The following RPGR variants were observed in gnomAD, a reference collection of about 807,000 sequenced individuals.
The protein encoded by RPGR is retinitis pigmentosa GTPase regulator, also known as X-linked retinitis pigmentosa GTPase regulator.
In RPGR, 10 loss-of-function variants were observed where a neutral mutation model predicts 56.3. That is an observed-to-expected ratio of 0.18 (90% CI 0.11 to 0.30). RPGR has a LOEUF of 0.30. RPGR is among the 10% of genes least tolerant of loss of function. The probability of loss-of-function intolerance (pLI) is 1.00; values close to 1 mark genes in which losing one functional copy is unlikely to be tolerated. For synonymous variants in RPGR, 197 were observed against 212.9 expected (o/e 0.93, Z 0.65); for missense variants, 538 against 590.9 (o/e 0.91, Z 0.93).
rs1295083334 is a variant in RPGR, at chrX:38,269,197, AAT to A, written c.*427_*428del. The A allele has an allele frequency of 8.5e-6, 1 of 118,314 alleles. No individual in the cohort carries two copies. The highest frequency in any genetic ancestry group is 1.7e-5 in the Non-Finnish European group (1 of 57,256). The allele number at this position is 118,314 out of a possible 1,213,427, so 9.8% of individuals were successfully genotyped here. ...GAACTGACCAGATATAGTTTATTAA[AAT>A]ATGTTCATTATAAACAATTTTACCT... On this transcript the variant is annotated 3_prime_UTR_variant, in exon 19 of 19. Transcript: ENST00000642395.
intron 9 of RPGR, among the ~76,000 whole-genome samples, chrX:38,299,756 G>T: frequency 9.2e-6 from 1 of 109,124 alleles, no homozygotes; most frequent in Non-Finnish European, 1.9e-5. Flanking sequence ...AAAACCCATA[G>T]TGCAGTATTT....
intron 3 of RPGR, 80 bp downstream of exon 3, chrX:38,322,773 T>A (rs2067971502): frequency 1.3e-6 from 1 of 746,085 alleles, no homozygotes; most frequent in Admixed American, 2.4e-5. Context: ...AAAAGCTTTA[T>A]TATTTATGAC....
At position 38,316,130 on chromosome X, in the gene RPGR, CA is replaced by C. The variant is rs767434860; in HGVS notation, c.619+1185del. Reference sequence around the variant, plus strand: ...GCTAGTGTGAAAATTACTGACAGTTCATATCAGCTGATGTAAATGAATCTCA... The same window carrying C: ...GCTAGTGTGAAAATTACTGACAGTTCTATCAGCTGATGTAAATGAATCTCA... On this transcript the variant is annotated intron_variant, in intron 6 of 18. Transcript: ENST00000642395. Among the ~76,000 whole-genome samples the C allele has an allele frequency of 1.9e-3, 211 of 110,800 alleles. 1 individual carries two copies. Among genetic ancestry groups the C allele is most frequent in the African/African-American group, 6.4e-3 (195 of 30,573 alleles).
intron 7 of RPGR, 59 bp from the exon 8 acceptor site, chrX:38,304,849 A>G: frequency 1.8e-6 from 2 of 1,099,605 alleles, no homozygotes; most frequent in South Asian, 1.9e-5. Context: ...TGTTACCATC[A>G]TATCTGGAAA....
chrX:38,291,041 A>T lies in RPGR; in HGVS notation c.1507-17T>A. The T allele has an allele frequency of 1.4e-6, 1 of 739,133 alleles. No individual in the cohort carries two copies. The highest frequency in any genetic ancestry group is 1.9e-6 in the Non-Finnish European group (1 of 536,574). 60.9% of individuals were successfully genotyped at this position (739,133 alleles called of 1,213,427 possible). On this transcript the variant is annotated splice_polypyrimidine_tract_variant and intron_variant, in intron 12 of 18. Coordinates refer to ENST00000642395, the MANE Select transcript of RPGR (RefSeq NM_000328.3). Reference sequence around the variant, plus strand: ...GATGTGTGTCTGAAATAAATAAAAAATATATATTATAAAAAGAATACAGTA... The same window carrying T: ...GATGTGTGTCTGAAATAAATAAAAATTATATATTATAAAAAGAATACAGTA...
At chrX:38,274,736 A>C (rs1422563630) in intron 17 of RPGR, among the ~76,000 whole-genome samples, 2 of 111,814 alleles carry the variant, frequency 1.8e-5, no homozygotes, top group Non-Finnish European at 3.8e-5. Flanking sequence ...AATCACTTGA[A>C]CCTGGGAGGT....
chrX:38,318,838 C>T lies in RPGR; in HGVS notation c.460G>A (p.Ala154Thr). 1 of 1,211,624 alleles carries T rather than the reference C, an allele frequency of 8.3e-7. No homozygotes were observed. Among genetic ancestry groups the T allele is most frequent in the Non-Finnish European group, 1.1e-6 (1 of 895,303 alleles). ...AAGAAACAAGTCTCACCAGTTAGGG[C>T]AGCTGAAGTATTAGATCCAGCAGAC... is the stretch of plus-strand genomic sequence containing the variant. Residue 154 changes from alanine to threonine, a missense_variant, in exon 5 of 19, where the codon GCC becomes ACC. This residue lies in a region of RPGR where 181 missense variants were observed against 265.1 expected (regional missense o/e 0.68). Transcript: ENST00000642395.
intron 11 of RPGR, 86 bp downstream of exon 11, chrX:38,297,198 T>C: frequency 2.0e-6 from 2 of 982,724 alleles, no homozygotes; most frequent in Admixed American, 2.2e-5. Flanking sequence ...TTTAAATAAC[T>C]GGAGAAAACA....
At chrX:38,291,669 T>C (rs970379440) in intron 11 of RPGR, among the ~76,000 whole-genome samples, 185 bp from the exon 12 acceptor site, 1 of 112,572 alleles carries the variant, frequency 8.9e-6, no homozygotes, top group Non-Finnish European at 1.9e-5. Flanking sequence ...AAAATCTTTG[T>C]GAAAGTTTAA....
In RPGR at chrX:38,317,545, T is replaced by C. The variant is rs182996518; in HGVS notation, c.470-80A>G. ...AAGCTATTATACTTCCAAAAGACCATTTATTTTATTAGTTCATAAAAATTA... is the reference window on the plus strand; with the variant it reads ...AAGCTATTATACTTCCAAAAGACCACTTATTTTATTAGTTCATAAAAATTA... On this transcript the variant is annotated intron_variant, in intron 5 of 18. Transcript: ENST00000642395. 2.4e-4 allele frequency: 206 copies of C among 853,085 alleles called. No individual in the cohort carries two copies. The Admixed American group carries it at 5.9e-3, about 25-fold the overall frequency. 70.3% of individuals were successfully genotyped at this position (853,085 alleles called of 1,213,427 possible). A position where few individuals can be genotyped will look rare whatever the true frequency, so the allele number is the denominator to read the frequency against.
At chrX:38,305,663 T>C (rs2067583418) in intron 7 of RPGR, among the ~76,000 whole-genome samples, 1 of 107,735 alleles carries the variant, frequency 9.3e-6, no homozygotes, top group South Asian at 4.0e-4. Context: ...GGAGAATCGC[T>C]TGAACCCAGG....
chrX:38,286,548 C>T lies in RPGR; in HGVS notation c.1905+546G>A, dbSNP rs2067180910. The T allele has an allele frequency of 3.7e-6, 4 of 1,069,449 alleles. No homozygotes were observed. Among genetic ancestry groups the T allele is most frequent in the East Asian group, 7.2e-5 (2 of 27,791 alleles). 88.1% of individuals were successfully genotyped at this position (1,069,449 alleles called of 1,213,427 possible). On this transcript the variant is annotated intron_variant, in intron 15 of 18. Coordinates refer to ENST00000642395, the MANE Select transcript of RPGR (RefSeq NM_000328.3). ...TCTCTCCTTTCCCCTCCTCTACTTC[C>T]CCTCCCTCTACTTCCCCTCCCTCCT...
intron 15 of RPGR, among the ~76,000 whole-genome samples, chrX:38,284,001 A>C (rs1044020196): frequency 1.3e-4 from 14 of 112,000 alleles, no homozygotes; most frequent in African/African-American, 4.5e-4. Context: ...TTGGTTAGTT[A>C]GGGGAAGCTG....
chrX:38,291,129 TTATA>T, intron 12 of RPGR, 105 bp from the exon 13 acceptor site: 6 of 158,720 alleles, frequency 3.8e-5, no homozygotes, highest in Non-Finnish European at 5.8e-5. Context: ...ATATATTTTT[TTATA>T]TATATATATA....
intron 18 of RPGR, chrX:38,273,261 A>G (rs1005400064): frequency 4.0e-5 from 20 of 498,669 alleles, no homozygotes; most frequent in Non-Finnish European, 6.9e-5. Flanking sequence ...ATCACCTGAA[A>G]TTCTTCAGGT....
Position 38,276,727 on chromosome X carries a change from C to T in RPGR, c.1951G>A (p.Asp651Asn). The T allele has an allele frequency of 1.7e-6, 2 of 1,210,383 alleles. No individual in the cohort carries two copies. Among genetic ancestry groups the T allele is most frequent in the Non-Finnish European group, 2.2e-6 (2 of 894,585 alleles). ...ACATTTTCAGCATTAATTTCCTCAT[C>T]CACATCTTCTAGTTTTAGTTCCTCA... Residue 651 changes from aspartate (D) to asparagine (N), a missense_variant, in exon 16 of 19, where the codon GAT becomes AAT. By Grantham distance (23) the Asp-to-Asn change is conservative (BLOSUM62 1). Coordinates refer to ENST00000642395, the MANE Select transcript of RPGR (RefSeq NM_000328.3).
At chrX:38,278,553 T>C (rs991680345) in intron 15 of RPGR, among the ~76,000 whole-genome samples, 15 of 112,751 alleles carry the variant, frequency 1.3e-4, no homozygotes, top group African/African-American at 4.5e-4. Flanking sequence ...ATTTCCCCTT[T>C]TGAGTGACTT....
intron 3 of RPGR, 50 bp from the exon 4 acceptor site, chrX:38,321,139 A>G: frequency 1.1e-6 from 1 of 920,408 alleles, no homozygotes; most frequent in South Asian, 2.0e-5. Flanking sequence ...GAAAATGAAC[A>G]GTAGTCCAGG....
intron 13 of RPGR, among the ~76,000 whole-genome samples, chrX:38,289,521 T>C (rs1288633841): frequency 8.9e-6 from 1 of 112,210 alleles, no homozygotes; most frequent in East Asian, 2.8e-4. Context: ...TCTAATGAAT[T>C]TGGGTCTCTG....
Sources: gnomAD v4.1 joint callset for allele counts (sites outside exome capture counted in the v4.1 genomes callset) on GRCh38, gnomAD v4.1.1 for gene constraint, gnomAD v4.1.1 regional missense constraint, MANE v1.5 for transcripts, NCBI Gene and HGNC (gene_info 2026-07-23, HGNC 2026-07-21) for gene names.